Variants in RP1 observed in about 807,000 individuals in gnomAD.
RP1 encodes the protein RP1 axonemal microtubule associated.
RP1 carries 16 observed loss-of-function variants against 14.8 expected under a neutral mutation model. The ratio of observed to expected loss-of-function variants is 1.08; its 90% CI spans 0.73 to 1.65. The LOEUF (loss-of-function observed/expected upper bound fraction) is 1.65. Ranked by LOEUF, RP1 falls within the 40% of genes most tolerant of loss-of-function variation. The probability of loss-of-function intolerance (pLI) is 0.00; values close to 1 mark genes in which losing one functional copy is unlikely to be tolerated. For synonymous variants in RP1, 876 were observed against 883.6 expected (o/e 0.99, Z 0.15); for missense variants, 2,631 against 2,535.0 (o/e 1.04, Z -0.81).
chr8:54,811,748 A>G (rs928721227), intron 24 of RP1, among the ~76,000 whole-genome samples: 2 of 152,194 alleles, frequency 1.3e-5, no homozygotes, highest in African/African-American at 4.8e-5. Context: ...ATTCACTAAC[A>G]TTTCCAGGTT....
intron 26 of RP1, among the ~76,000 whole-genome samples, chr8:54,853,108 G>A: frequency 6.6e-6 from 1 of 152,182 alleles, no homozygotes; most frequent in Non-Finnish European, 1.5e-5. Context: ...GGAGAACATG[G>A]TATCAGCATG....
intron 15 of RP1, among the ~76,000 whole-genome samples, chr8:54,710,384 C>T (rs1322492222): frequency 6.6e-6 from 1 of 152,164 alleles, no homozygotes; most frequent in Non-Finnish European, 1.5e-5. Context: ...GTGCCTGCAA[C>T]CCCAAGGTCC....
At chr8:54,825,268 A>G (rs181776637) in intron 24 of RP1, among the ~76,000 whole-genome samples, 1 of 152,268 alleles carries the variant, frequency 6.6e-6, no homozygotes, top group East Asian at 1.9e-4. Flanking sequence ...CGCTAACACT[A>G]TTCTTAATGG....
chr8:54,587,883 T>A (rs1804966856), intron 1 of RP1, among the ~76,000 whole-genome samples: 3 of 152,206 alleles, frequency 2.0e-5, no homozygotes, highest in African/African-American at 7.2e-5. Context: ...TCCTCTGATA[T>A]TTTTATAGAT....
Position 54,626,751 on chromosome 8 carries a change from C to T in RP1, c.2869C>T (p.Pro957Ser). The T allele has an allele frequency of 1.9e-6, 3 of 1,613,756 alleles. No homozygotes were observed. The highest frequency in any genetic ancestry group is 2.5e-6 in the Non-Finnish European group (3 of 1,179,904). Residue 957 changes from proline to serine, a missense_variant, in exon 4 of 4, where the codon CCC (proline) becomes TCC (serine). By Grantham distance (74) the Pro-to-Ser change is moderately conservative. Transcript: ENST00000220676. Reference sequence around the variant, plus strand: ...CAATAATAGTTTTTCAGGGAATGATCCCCATACAAATTCTGGAAAAATAAG... The same window carrying T: ...CAATAATAGTTTTTCAGGGAATGATTCCCATACAAATTCTGGAAAAATAAG... Reference protein sequence around the residue: ...CSNNSFSGNDPHTNSGKISNF... With the variant: ...CSNNSFSGNDSHTNSGKISNF...
chr8:54,586,693 G>T (rs942406904), intron 1 of RP1, among the ~76,000 whole-genome samples: 1 of 152,196 alleles, frequency 6.6e-6, no homozygotes, highest in African/African-American at 2.4e-5. Flanking sequence ...CCTTGGCAAT[G>T]GTTGGCGCCC....
intron 17 of RP1, among the ~76,000 whole-genome samples, chr8:54,729,820 T>G (rs2129354082): frequency 6.6e-6 from 1 of 152,226 alleles, no homozygotes; most frequent in East Asian, 1.9e-4. Flanking sequence ...TATTATAATT[T>G]GTAATGGATG....
intron 24 of RP1, among the ~76,000 whole-genome samples, chr8:54,829,167 A>T (rs1811460942): frequency 6.6e-6 from 1 of 152,090 alleles, no homozygotes; most frequent in African/African-American, 2.4e-5. Flanking sequence ...TATGCAGTCC[A>T]TCATTGACCC....
intron 1 of RP1, among the ~76,000 whole-genome samples, chr8:54,601,973 G>A (rs1163328600): frequency 6.6e-6 from 1 of 152,130 alleles, no homozygotes; most frequent in Non-Finnish European, 1.5e-5. Flanking sequence ...TTTCTGAGGT[G>A]TTCTAAACTT....
intron 15 of RP1, among the ~76,000 whole-genome samples, chr8:54,712,220 G>A (rs1808307386): frequency 6.6e-6 from 1 of 152,206 alleles, no homozygotes; most frequent in Admixed American, 6.5e-5. Flanking sequence ...AGAGACAGGG[G>A]AGAGGGAATT....
chr8:54,839,727 T>A (rs1242805583), intron 25 of RP1, among the ~76,000 whole-genome samples: 1 of 152,066 alleles, frequency 6.6e-6, no homozygotes, highest in African/African-American at 2.4e-5. Flanking sequence ...TCCCACATAC[T>A]CTCAATCTCT....
intron 1 of RP1, among the ~76,000 whole-genome samples, chr8:54,601,843 T>C (rs754080604): frequency 2.6e-5 from 4 of 152,234 alleles, no homozygotes; most frequent in Non-Finnish European, 5.9e-5. Flanking sequence ...AGATCACATA[T>C]GGCATGACTC....
intron 3 of RP1, among the ~76,000 whole-genome samples, chr8:54,646,639 T>A (rs1322639482): frequency 6.6e-6 from 1 of 152,174 alleles, no homozygotes; most frequent in Non-Finnish European, 1.5e-5. Flanking sequence ...TGTTGCAGGG[T>A]TAAGGTTTGA....
intron 1 of RP1, among the ~76,000 whole-genome samples, chr8:54,576,629 T>C (rs1010620413): frequency 6.6e-6 from 1 of 152,204 alleles, no homozygotes; most frequent in African/African-American, 2.4e-5. Flanking sequence ...GGAATCATAG[T>C]GTAATTAATT....
intron 24 of RP1, among the ~76,000 whole-genome samples, chr8:54,806,518 A>G (rs1299032382): frequency 1.3e-5 from 2 of 152,160 alleles, no homozygotes; most frequent in African/African-American, 4.8e-5. Flanking sequence ...CTAGCTTTAC[A>G]TTTGAAATTT....
At chr8:54,726,357 A>T (rs1445807430) in exon 17 of RP1, 10 of 1,519,294 alleles carry the variant, frequency 6.6e-6, no homozygotes, top group East Asian at 2.5e-5. Flanking sequence ...GGCAGAGAAA[A>T]CCCAATGGGA....
chr8:54,611,109 A>G (rs1805580625), upstream of RP1, among the ~76,000 whole-genome samples: 1 of 152,142 alleles, frequency 6.6e-6, no homozygotes, highest in South Asian at 2.1e-4. Context: ...GTGAATAATC[A>G]TATAGAGGAT....
intron 22 of RP1, chr8:54,769,738 C>G: frequency 2.6e-6 from 4 of 1,517,816 alleles, no homozygotes; most frequent in Non-Finnish European, 3.5e-6. Flanking sequence ...TCTTTTTCCT[C>G]AGATGGCTTC....
At position 54,627,959 on chromosome 8, in the gene RP1, T is replaced by A. The variant is rs780936508; in HGVS notation, c.4077T>A (p.Thr1359=). ...ENTYTDNLDS[T]EELERGDDIQ... ...CATATACTGATAACTTGGATTCAAC[T>A]GAAGAGTTAGAAAGAGGTGATGACA... Residue 1359 remains threonine, a synonymous_variant, in exon 4 of 4, where the codon ACT becomes ACA. Transcript: ENST00000220676. 2 of 1,613,958 alleles carry A rather than the reference T, an allele frequency of 1.2e-6. No homozygotes were observed. The highest frequency in any genetic ancestry group is 1.3e-5 in the African/African-American group (1 of 74,930).
Sources: gnomAD v4.1 joint callset for allele counts (sites outside exome capture counted in the v4.1 genomes callset) on GRCh38, gnomAD v4.1.1 for gene constraint, MANE v1.5 for transcripts, NCBI Gene and HGNC (gene_info 2026-07-23, HGNC 2026-07-21) for gene names.